The following SLFN11 variants were observed in gnomAD, a reference collection of about 807,000 sequenced individuals.
The protein encoded by SLFN11 is schlafen family member 11.
A neutral mutation model predicts 53.4 loss-of-function variants in SLFN11; 43 were observed. The ratio of observed to expected loss-of-function variants is 0.80; its 90% confidence interval spans 0.63 to 1.04. SLFN11 has a LOEUF of 1.04. Ranked by LOEUF, SLFN11 falls within the 50% of genes least tolerant of loss-of-function variation. SLFN11 has a pLI of 0.00. For missense variants in SLFN11, 990 were observed against 1,079.1 expected (o/e 0.92, Z 1.16); for synonymous variants, 389 against 394.7 (o/e 0.99, Z 0.17).
chr17:35,370,660 G>A (rs1385604053), intron 1 of SLFN11, among the ~76,000 whole-genome samples: 1 of 151,824 alleles, frequency 6.6e-6, no homozygotes, highest in African/African-American at 2.4e-5. Flanking sequence ...ACAAAAATCA[G>A]TAGCATCTCT....
chr17:35,372,828 GACAGAT>G (rs1054837054), intron 1 of SLFN11, among the ~76,000 whole-genome samples: 6 of 151,952 alleles, frequency 3.9e-5, no homozygotes, highest in Non-Finnish European at 5.9e-5. Flanking sequence ...AATGGGCTGC[GACAGAT>G]GTGCCCTCTT....
chr17:35,357,724 A>G (rs1907693296), intron 5 of SLFN11, among the ~76,000 whole-genome samples: 1 of 145,818 alleles, frequency 6.9e-6, no homozygotes, highest in Admixed American at 6.9e-5. Flanking sequence ...ATATTTAAAT[A>G]TATATAAATA....
Position 35,354,041 on chromosome 17 carries a change from C to T in SLFN11, c.1217G>A (p.Arg406Gln), listed in dbSNP as rs780673919. The T allele has an allele frequency of 2.1e-5, 34 of 1,609,328 alleles. No individual in the cohort carries two copies. Among genetic ancestry groups the T allele is most frequent in the African/African-American group, 6.7e-5 (5 of 74,734 alleles). The change falls in exon 6 of 7, where the codon CGA becomes CAA. Residue 406 changes from arginine to glutamine, a missense_variant. Transcript: ENST00000685675. ...LLFSVPPGYL[R>Q]YTPESLWRDL... ...CCTCCAGAGTGACTCTGGAGTATATCGCAAATATCCTGGTGGGACTGTATG... is the reference window on the plus strand; with the variant it reads ...CCTCCAGAGTGACTCTGGAGTATATTGCAAATATCCTGGTGGGACTGTATG...
Position 35,353,949 on chromosome 17 carries a change from C to A in SLFN11, c.1309G>T (p.Gly437Ter). 6.2e-7 allele frequency: 1 copy of A among 1,613,996 alleles called. No homozygotes were observed. The highest frequency in any genetic ancestry group is 8.5e-7 in the Non-Finnish European group (1 of 1,179,990). The change falls in exon 6 of 7, where the codon GGA becomes TGA. Residue 437 changes from glycine to a stop codon, truncating the protein, a stop_gained. Transcript: ENST00000685675. LOFTEE classifies it high-confidence loss of function. ...CAACTTCTAGAGAAGATCAAAATTCCCCGAAAGAAAGGTTGCATTTGCTTA... is the reference window on the plus strand; with the variant it reads ...CAACTTCTAGAGAAGATCAAAATTCACCGAAAGAAAGGTTGCATTTGCTTA... ...INKQMQPFFR[G>*]ILIFSRSWAV...
At chr17:35,364,710 T>C (rs1354686029) in intron 3 of SLFN11, among the ~76,000 whole-genome samples, 1 of 152,162 alleles carries the variant, frequency 6.6e-6, no homozygotes, top group Non-Finnish European at 1.5e-5. Context: ...TAAAACATGG[T>C]GCATCCACCT....
Position 35,353,914 on chromosome 17 carries a change from G to A in SLFN11, c.1344C>T (p.Asp448=), listed in dbSNP as rs1375983123. 4 of 1,613,718 alleles carry A rather than the reference G, an allele frequency of 2.5e-6. No homozygotes were observed. Among genetic ancestry groups the A allele is most frequent in the East Asian group, 4.5e-5 (2 of 44,884 alleles). The stretch of plus-strand genomic sequence containing the variant: ...CTCCTGGCTTCTCCTGCAAGTTCAG[G>A]TCCACAGCCCAACTTCTAGAGAAGA... ...ILIFSRSWAV[D]LNLQEKPGVI... Residue 448 remains aspartate (D), a synonymous_variant, in exon 6 of 7, where the codon GAC becomes GAT. Coordinates refer to ENST00000685675, the MANE Select transcript of SLFN11 (RefSeq NM_001376007.1).
Position 35,352,571 on chromosome 17 carries a change from T to C in SLFN11, c.2491A>G (p.Arg831Gly). The C allele has an allele frequency of 1.9e-6, 3 of 1,614,168 alleles. No individual in the cohort carries two copies. Among genetic ancestry groups the C allele is most frequent in the Non-Finnish European group, 2.5e-6 (3 of 1,180,032 alleles). Reference protein sequence around the residue: ...HYKYELLKAMRKKRVVQLSDA... With the variant: ...HYKYELLKAMGKKRVVQLSDA... The stretch of plus-strand genomic sequence containing the variant: ...CTGAGCTGCACCACCCTTTTCTTCC[T>C]CATTGCTTTCAAGAGCTCATACTTA... The change falls in exon 7 of 7, where the codon AGG becomes GGG. Residue 831 changes from arginine (R) to glycine (G), a missense_variant. Physicochemically the swap from Arg to Gly is moderately radical, Grantham distance 125. Coordinates refer to ENST00000685675, the MANE Select transcript of SLFN11 (RefSeq NM_001376007.1).
In SLFN11 at chr17:35,362,815, T is replaced by C. The variant is rs374124778; in HGVS notation, c.993A>G (p.Ser331=). The change falls in exon 4 of 7, where the codon TCA becomes TCG. Residue 331 remains serine, a synonymous_variant. Coordinates refer to ENST00000685675, the MANE Select transcript of SLFN11 (RefSeq NM_001376007.1). The part of the protein sequence containing the change: ...CCAVFSEAPN[S]WIVEDKYVCS... ...AGACGTACTTGTCCTCCACTATCCA[T>C]GAATTGGGAGCTTCTGAGAACACTG... 5 of 1,612,714 alleles carry C rather than the reference T, an allele frequency of 3.1e-6. No individual in the cohort carries two copies. In the African/African-American group the frequency reaches 4.0e-5, roughly 13 times the overall value.
chr17:35,367,810 G>A (rs1478668947), intron 1 of SLFN11, 110 bp from the exon 2 acceptor site: 1 of 152,116 alleles, frequency 6.6e-6, no homozygotes, highest in East Asian at 1.9e-4. Context: ...TAGCTGTATG[G>A]TTTCCATTTA....
chr17:35,372,466 G>T (rs1042950916), intron 1 of SLFN11, among the ~76,000 whole-genome samples: 3 of 152,074 alleles, frequency 2.0e-5, no homozygotes, highest in Admixed American at 1.3e-4. Flanking sequence ...TAACTGGATT[G>T]TTTGCAACTC....
intron 5 of SLFN11, among the ~76,000 whole-genome samples, chr17:35,354,333 A>G (rs1239675492): frequency 6.6e-6 from 1 of 152,154 alleles, no homozygotes; most frequent in Non-Finnish European, 1.5e-5. Context: ...AAAACTAAGA[A>G]TAGCACATTT....
chr17:35,372,390 T>C (rs1909796667), intron 1 of SLFN11, among the ~76,000 whole-genome samples: 1 of 152,058 alleles, frequency 6.6e-6, no homozygotes, highest in Admixed American at 6.5e-5. Context: ...GACCTACTAT[T>C]TGATAACACA....
chr17:35,352,386 G>A lies in SLFN11; in HGVS notation c.2676C>T (p.His892=), dbSNP rs1355893738. The A allele has an allele frequency of 6.2e-7, 1 of 1,614,188 alleles. No homozygotes were observed. ...GGCCACCCCACGGAAAAATATACAG[G>A]TGTTGTTTTGCCCTGGAAGCCAGAC... ...LICLASRAKQ[H]LYIFPWGGH The change falls in exon 7 of 7, where the codon CAC becomes CAT. Residue 892 remains histidine (H), a synonymous_variant. Coordinates refer to ENST00000685675, the MANE Select transcript of SLFN11 (RefSeq NM_001376007.1).
intron 1 of SLFN11, among the ~76,000 whole-genome samples, chr17:35,368,165 TC>T (rs887856299): frequency 5.3e-5 from 8 of 151,896 alleles, no homozygotes; most frequent in Non-Finnish European, 7.4e-5. Context: ...CCTTCCATCC[TC>T]CCACCCATCT....
At chr17:35,356,731 T>A (rs1243751071) in intron 5 of SLFN11, among the ~76,000 whole-genome samples, 1 of 151,892 alleles carries the variant, frequency 6.6e-6, no homozygotes, top group Non-Finnish European at 1.5e-5. Flanking sequence ...TCCAGTCTTT[T>A]GCTATTATGT....
chr17:35,352,677 C>G lies in SLFN11; in HGVS notation c.2385G>C (p.Thr795=), dbSNP rs200148710. The change falls in exon 7 of 7, where the codon ACG becomes ACC. Residue 795 remains threonine, a synonymous_variant. Transcript: ENST00000685675. ...VEQIMTCVAD[T]CRRFFDRGYS... is the part of the protein sequence containing the mutation. The stretch of plus-strand genomic sequence containing the variant: ...AGCCCCTATCAAAGAAGCGCCTGCA[C>G]GTGTCTGCCACACAGGTCATTATTT... 1 of 1,613,938 alleles carries G rather than the reference C, an allele frequency of 6.2e-7. No individual in the cohort carries two copies. The highest frequency in any genetic ancestry group is 8.5e-7 in the Non-Finnish European group (1 of 1,179,966).
chr17:35,363,597 C>T lies in SLFN11; in HGVS notation c.211G>A (p.Val71Met), dbSNP rs761425162. The T allele has an allele frequency of 2.9e-5, 47 of 1,613,614 alleles. No homozygotes were observed. The African/African-American group carries it at 3.5e-4, about 12-fold the overall frequency. The change falls in exon 4 of 7, where the codon GTG (valine) becomes ATG (methionine). Residue 71 changes from valine to methionine, a missense_variant. By Grantham distance (21) the Val-to-Met change is conservative. Transcript: ENST00000685675. Reference sequence around the variant, plus strand: ...TGTTCTAAATCCAGTCCCATCTCCACGGGATGCTCAACCTTCTTGGCCATT... The same window carrying T: ...TGTTCTAAATCCAGTCCCATCTCCATGGGATGCTCAACCTTCTTGGCCATT... The part of the protein sequence containing the change: ...IRMAKKVEHP[V>M]EMGLDLEQSL...
At chr17:35,368,015 G>T (rs756102536) in intron 1 of SLFN11, among the ~76,000 whole-genome samples, 7 of 152,140 alleles carry the variant, frequency 4.6e-5, no homozygotes, top group Non-Finnish European at 1.0e-4. Context: ...TGCCAAGAAG[G>T]CTTACCTAGT....
At chr17:35,358,286 A>G (rs73992746) in intron 5 of SLFN11, among the ~76,000 whole-genome samples, 3,201 of 151,682 alleles carry the variant, frequency 0.021, 122 homozygotes, top group African/African-American at 0.073. Context: ...TTCTTATAAT[A>G]CTAATATAAG....
Sources: allele counts gnomAD v4.1 joint callset (sites outside exome capture counted in the v4.1 genomes callset), GRCh38; gene constraint gnomAD v4.1.1; transcripts MANE v1.5; gene names NCBI Gene and HGNC (gene_info 2026-07-23, HGNC 2026-07-21).